Variants in AHI1 observed in about 807,000 individuals in gnomAD.
The protein encoded by AHI1 is jouberin.
Under a neutral mutation model 149.3 loss-of-function variants are expected in AHI1, and 123 were observed. That is an observed-to-expected ratio of 0.82 (90% CI 0.71 to 0.96). The LOEUF is 0.96. AHI1 is among the 40% of genes least tolerant of loss of function. The pLI, the probability that AHI1 is intolerant of heterozygous loss-of-function variation, is 0.00. For missense variants in AHI1, 1,439 were observed against 1,422.7 expected, an observed-to-expected ratio of 1.01 and a Z score of -0.18; for synonymous variants, 475 against 459.8, an observed-to-expected ratio of 1.03 and a Z score of -0.42.
At chr6:135,406,694 C>G (rs1220737825) in intron 21 of AHI1, among the ~76,000 whole-genome samples, 1 of 152,104 alleles carries the variant, frequency 6.6e-6, no homozygotes, top group Non-Finnish European at 1.5e-5. Flanking sequence ...CCATTCAATC[C>G]ATACTCCTAT....
At chr6:135,302,388 G>C (rs1419860293) in intron 26 of AHI1, 3 of 988,224 alleles carry the variant, frequency 3.0e-6, no homozygotes, top group Non-Finnish European at 3.6e-6. Flanking sequence ...ATTATTTTTT[G>C]TTATCCTGAA....
chr6:135,427,732 A>T (rs1397752736), intron 19 of AHI1, among the ~76,000 whole-genome samples: 3 of 148,442 alleles, frequency 2.0e-5, no homozygotes, highest in East Asian at 1.9e-4. Context: ...TAACTTTTCC[A>T]TTTTTTTTTT....
intron 23 of AHI1, among the ~76,000 whole-genome samples, chr6:135,380,065 G>A (rs764851762): frequency 7.7e-5 from 11 of 143,028 alleles, no homozygotes; most frequent in East Asian, 2.1e-4. Context: ...CTTCTTTGTC[G>A]TCATCTGAAT....
At chr6:135,409,353 A>G (rs1485220316) in intron 21 of AHI1, among the ~76,000 whole-genome samples, 1 of 152,146 alleles carries the variant, frequency 6.6e-6, no homozygotes, top group Non-Finnish European at 1.5e-5. Flanking sequence ...CACTGCTTTT[A>G]AAATTAGTAT....
chr6:135,314,858 A>C (rs1031496704), intron 26 of AHI1, among the ~76,000 whole-genome samples: 14 of 152,184 alleles, frequency 9.2e-5, no homozygotes, highest in African/African-American at 3.4e-4. Context: ...TTATCTTTGC[A>C]TCTGTGATCT....
intron 24 of AHI1, among the ~76,000 whole-genome samples, chr6:135,354,667 T>C (rs1248355418): frequency 6.6e-6 from 1 of 152,208 alleles, no homozygotes; most frequent in African/African-American, 2.4e-5. Context: ...GCTGATATTA[T>C]CCTTAACTTA....
intron 22 of AHI1, among the ~76,000 whole-genome samples, chr6:135,402,675 G>A (rs2128495081): frequency 6.6e-6 from 1 of 152,098 alleles, no homozygotes; most frequent in South Asian, 2.1e-4. Flanking sequence ...TCCTCCTCAG[G>A]CTATTCAATG....
intron 5 of AHI1, 83 bp downstream of exon 5, chr6:135,490,540 T>A (rs1795107179): frequency 6.6e-7 from 1 of 1,523,146 alleles, no homozygotes; most frequent in African/African-American, 1.4e-5. Context: ...TCAAAATTCC[T>A]TAGAATTTTA....
chr6:135,422,618 T>TG (rs1481910834), intron 20 of AHI1, among the ~76,000 whole-genome samples: 23 of 89,896 alleles, frequency 2.6e-4, no homozygotes, highest in Non-Finnish European at 4.0e-4. Flanking sequence ...AAGTTTTATT[T>TG]TTATGTATGT....
chr6:135,428,788 A>G (rs1179558685), intron 18 of AHI1, 29 bp from the exon 19 acceptor site: 11 of 1,572,516 alleles, frequency 7.0e-6, no homozygotes, highest in Admixed American at 1.8e-5. Flanking sequence ...TTACAAATGT[A>G]ACTGTCTTAA....
At chr6:135,336,037 C>T (rs1276987268) in intron 24 of AHI1, among the ~76,000 whole-genome samples, 1 of 149,562 alleles carries the variant, frequency 6.7e-6, no homozygotes, top group East Asian at 2.0e-4. Context: ...CACTTGAACC[C>T]AGGAGGCAGA....
At chr6:135,386,248 G>GT (rs1443172040) in intron 23 of AHI1, among the ~76,000 whole-genome samples, 2 of 146,974 alleles carry the variant, frequency 1.4e-5, no homozygotes, top group African/African-American at 2.5e-5. Flanking sequence ...AACATTTTTG[G>GT]TAAAAAAAAA....
Position 135,489,213 on chromosome 6 carries a change from G to C in AHI1, c.135+1410C>G, listed in dbSNP as rs566128358. Among the ~76,000 whole-genome samples the C allele has an allele frequency of 5.3e-5, 8 of 152,204 alleles. No homozygotes were observed. In the South Asian group the frequency reaches 1.7e-3, roughly 32 times the overall value. Reference sequence around the variant, plus strand: ...GTTCCTAGTGTACTTATTTCTGAAAGAAAAGAAGCCTATTCAGTCCTGGTG... The same window carrying C: ...GTTCCTAGTGTACTTATTTCTGAAACAAAAGAAGCCTATTCAGTCCTGGTG... On this transcript the variant is annotated intron_variant, in intron 5 of 28. Transcript: ENST00000265602.
chr6:135,479,659 G>A (rs749345743), intron 5 of AHI1, among the ~76,000 whole-genome samples: 10 of 152,078 alleles, frequency 6.6e-5, no homozygotes, highest in South Asian at 6.2e-4. Context: ...GTGGAATTTC[G>A]GGTTCATGTT....
At chr6:135,287,863 G>A (rs1781881814) in intron 28 of AHI1, among the ~76,000 whole-genome samples, 1 of 151,662 alleles carries the variant, frequency 6.6e-6, no homozygotes, top group South Asian at 2.1e-4. Flanking sequence ...TTGGGAGGCT[G>A]AGGCGGGTGA....
chr6:135,439,503 C>G (rs530715907), intron 14 of AHI1, among the ~76,000 whole-genome samples: 64 of 152,002 alleles, frequency 4.2e-4, no homozygotes, highest in Non-Finnish European at 8.5e-4. Context: ...TTGGCATATG[C>G]CAAAGGGAAA....
chr6:135,350,184 T>C (rs1791863700), intron 24 of AHI1, among the ~76,000 whole-genome samples: 1 of 152,216 alleles, frequency 6.6e-6, no homozygotes, highest in Non-Finnish European at 1.5e-5. Context: ...TCTCCTCTCA[T>C]GACAAGCCTC....
intron 8 of AHI1, among the ~76,000 whole-genome samples, chr6:135,462,675 T>C (rs1207982881): frequency 1.3e-5 from 2 of 151,966 alleles, no homozygotes; most frequent in East Asian, 3.9e-4. Context: ...CTGAGGCAGG[T>C]GGATCACTTG....
intron 15 of AHI1, among the ~76,000 whole-genome samples, chr6:135,437,689 G>T (rs1785617473): frequency 6.6e-6 from 1 of 152,186 alleles, no homozygotes; most frequent in Non-Finnish European, 1.5e-5. Context: ...GTTTCGTAGT[G>T]TGTGGAGAGA....
Sources: allele counts gnomAD v4.1 joint callset (sites outside exome capture counted in the v4.1 genomes callset), GRCh38; gene constraint gnomAD v4.1.1; transcripts MANE v1.5; gene names NCBI Gene and HGNC (gene_info 2026-07-23, HGNC 2026-07-21).